Variants in ABLIM1 observed in about 807,000 individuals in gnomAD.
The protein encoded by ABLIM1 is actin binding LIM protein 1.
In ABLIM1, 40 loss-of-function variants were observed where a neutral mutation model predicts 107.0. The observed-to-expected ratio is 0.37, with a 90% CI of 0.29 to 0.49. The LOEUF is 0.49. ABLIM1 is among the 20% of genes least tolerant of loss of function. The pLI is 0.97. For synonymous variants in ABLIM1, 357 were observed against 357.3 expected (o/e 1.00, Z 0.01); for missense variants, 857 against 1,008.5 (o/e 0.85, Z 2.04).
chr10:114,796,295 T>TA, the ABLIM1 span, among the ~76,000 whole-genome samples: 8 of 152,280 alleles, frequency 5.3e-5, no homozygotes, highest in East Asian at 1.5e-3. Flanking sequence ...GAGGTTGCGA[T>TA]AAAGATGTCA....
chr10:114,748,610 G>T (rs1326417762), intron 1 of ABLIM1, among the ~76,000 whole-genome samples: 3 of 146,772 alleles, frequency 2.0e-5, no homozygotes, highest in African/African-American at 7.5e-5. Context: ...ACATCCCAGA[G>T]CATAACACAA....
chr10:114,571,078 A>T (rs2071605086), intron 4 of ABLIM1, among the ~76,000 whole-genome samples: 1 of 152,086 alleles, frequency 6.6e-6, no homozygotes, highest in Non-Finnish European at 1.5e-5. Context: ...TTGGTATCTT[A>T]TGGTTGTTTT....
At position 114,441,676 on chromosome 10, in the gene ABLIM1, G is replaced by A. The variant is rs374155603; in HGVS notation, c.1998+46C>T. ...ATGTGTCAATACTTCAACCAGGGCCGAGGTGGGAGTAAAGGCAGAAACAAT... is the reference window on the plus strand; with the variant it reads ...ATGTGTCAATACTTCAACCAGGGCCAAGGTGGGAGTAAAGGCAGAAACAAT... On this transcript the variant is annotated intron_variant, in intron 18 of 22. Transcript: ENST00000533213. The A allele has an allele frequency of 2.8e-5, 43 of 1,549,650 alleles. No homozygotes were observed. In the African/African-American group the frequency reaches 3.0e-4, roughly 11 times the overall value.
At chr10:114,677,732 G>A (rs181173511) in intron 1 of ABLIM1, among the ~76,000 whole-genome samples, 20 of 152,250 alleles carry the variant, frequency 1.3e-4, no homozygotes, top group East Asian at 9.6e-4. Flanking sequence ...CCAAGATTGC[G>A]CCACTGCACT....
chr10:114,611,530 C>T (rs1013624928), intron 1 of ABLIM1, among the ~76,000 whole-genome samples: 2 of 151,950 alleles, frequency 1.3e-5, no homozygotes, highest in Admixed American at 6.6e-5. Context: ...TCCGTGGCTA[C>T]GTGATAGGTC....
At chr10:114,773,683 C>T in the ABLIM1 span, among the ~76,000 whole-genome samples, 2 of 152,298 alleles carry the variant, frequency 1.3e-5, no homozygotes, top group East Asian at 1.9e-4. Context: ...GATTGCGCCA[C>T]TGCACTCCAG....
intron 1 of ABLIM1, chr10:114,631,804 G>A (rs2078196253): frequency 2.4e-6 from 3 of 1,225,744 alleles, no homozygotes; most frequent in Admixed American, 2.7e-5. Context: ...GAACATGTCC[G>A]CCCGGCTTTC....
chr10:114,790,967 C>T, the ABLIM1 span, among the ~76,000 whole-genome samples: 1 of 152,074 alleles, frequency 6.6e-6, no homozygotes, highest in Non-Finnish European at 1.5e-5. Flanking sequence ...ATCTGATTCT[C>T]AAAGGGATCA....
intron 1 of ABLIM1, among the ~76,000 whole-genome samples, chr10:114,679,758 CCA>C (rs1467861027): frequency 6.6e-6 from 1 of 152,052 alleles, no homozygotes. Context: ...CAGAAATGCC[CCA>C]GTTTTCGTCA....
intron 6 of ABLIM1, among the ~76,000 whole-genome samples, chr10:114,515,726 G>A (rs1456414800): frequency 6.6e-6 from 1 of 152,218 alleles, no homozygotes; most frequent in East Asian, 1.9e-4. Flanking sequence ...AATAGGTTGG[G>A]CTGTTAATCC....
At chr10:114,603,953 CAAAA>C (rs56037072) in intron 1 of ABLIM1, among the ~76,000 whole-genome samples, 80,437 of 131,524 alleles carry the variant, frequency 0.61, 25,027 homozygotes, top group East Asian at 0.8. Flanking sequence ...GACTTTGTCT[CAAAA>C]AAAAAAAAAA....
intron 12 of ABLIM1, among the ~76,000 whole-genome samples, chr10:114,458,115 T>C (rs550550234): frequency 1.0e-3 from 154 of 149,246 alleles, no homozygotes; most frequent in Middle Eastern, 3.4e-3. Flanking sequence ...TGTGTGTGTG[T>C]GCGCACATAA....
chr10:114,577,662 T>C (rs984726731), intron 2 of ABLIM1, among the ~76,000 whole-genome samples: 1 of 152,184 alleles, frequency 6.6e-6, no homozygotes, highest in Admixed American at 6.5e-5. Context: ...GAACATAACA[T>C]AGCCTTAAAA....
intron 1 of ABLIM1, among the ~76,000 whole-genome samples, chr10:114,615,961 CT>C (rs1366758810): frequency 6.6e-6 from 1 of 152,152 alleles, no homozygotes; most frequent in Non-Finnish European, 1.5e-5. Flanking sequence ...GCCCCAGAGC[CT>C]TGGAAAAGCT....
At chr10:114,743,115 GGT>G (rs2082319142) in intron 1 of ABLIM1, among the ~76,000 whole-genome samples, 1 of 152,018 alleles carries the variant, frequency 6.6e-6, no homozygotes. Flanking sequence ...TATATTTGAG[GGT>G]ATAAGTAGTA....
At chr10:114,556,907 A>C (rs1017446295) in intron 4 of ABLIM1, among the ~76,000 whole-genome samples, 3 of 152,246 alleles carry the variant, frequency 2.0e-5, no homozygotes, top group African/African-American at 7.2e-5. Context: ...GAAAGAATAG[A>C]GTACAAAACA....
At chr10:114,709,206 C>G (rs1025950861) in intron 1 of ABLIM1, among the ~76,000 whole-genome samples, 1 of 152,106 alleles carries the variant, frequency 6.6e-6, no homozygotes, top group African/African-American at 2.4e-5. Flanking sequence ...GAAGCCATGC[C>G]GTGATAGGAA....
intron 3 of ABLIM1, 105 bp from the exon 4 acceptor site, chr10:114,571,511 A>G (rs568593678): frequency 4.5e-6 from 5 of 1,100,608 alleles, no homozygotes; most frequent in Non-Finnish European, 2.7e-6. Flanking sequence ...TTCTTGGAGA[A>G]GCAGCAGCCA....
intron 4 of ABLIM1, among the ~76,000 whole-genome samples, chr10:114,568,021 T>C (rs566589820): frequency 1.5e-4 from 22 of 150,668 alleles, no homozygotes; most frequent in Non-Finnish European, 2.4e-4. Flanking sequence ...AAACCCCGTC[T>C]CTACTAAAAA....
Sources: gnomAD v4.1 joint callset for allele counts (sites outside exome capture counted in the v4.1 genomes callset) on GRCh38, gnomAD v4.1.1 for gene constraint, MANE v1.5 for transcripts, NCBI Gene and HGNC (gene_info 2026-07-23, HGNC 2026-07-21) for gene names.